The following AMOT variants were observed in gnomAD, a reference collection of about 807,000 sequenced individuals.
The protein encoded by AMOT is angiomotin.
In AMOT, 11 loss-of-function variants were observed where a neutral mutation model predicts 67.0. The observed-to-expected ratio is 0.16, with a 90% confidence interval of 0.10 to 0.27. The LOEUF is 0.27. AMOT is among the 10% of genes least tolerant of loss of function. The pLI, the probability that AMOT is intolerant of heterozygous loss-of-function variation, is 1.00. For synonymous variants in AMOT, 326 were observed against 321.4 expected (o/e 1.01, Z -0.15); for missense variants, 753 against 852.0 (o/e 0.88, Z 1.45).
chrX:112,788,495 C>T (rs1289699204), intron 10 of AMOT, among the ~76,000 whole-genome samples: 1 of 111,336 alleles, frequency 9.0e-6, no homozygotes, highest in East Asian at 2.8e-4. Context: ...TAAATGTTAC[C>T]TCTCAAATAT....
chrX:112,822,809 G>A lies in AMOT; in HGVS notation c.318C>T (p.Leu106=), dbSNP rs1026879962. ...GGACCTTGGCTTCTTCATAGGTCGG[G>A]AGTTCTTCATTATTTTGCATTCGAG... The part of the protein sequence containing the change: ...LSPRMQNNEE[L]PTYEEAKVQS... The change falls in exon 4 of 14, where the codon CTC becomes CTT. Residue 106 remains leucine, a synonymous_variant. Transcript: ENST00000371959. 1 of 1,167,383 alleles carries A rather than the reference G, an allele frequency of 8.6e-7. No homozygotes were observed. Among genetic ancestry groups the A allele is most frequent in the Admixed American group, 2.6e-5 (1 of 38,675 alleles).
chrX:112,804,906 C>CA, intron 8 of AMOT, 41 bp downstream of exon 8: 3 of 1,048,063 alleles, frequency 2.9e-6, no homozygotes, highest in Non-Finnish European at 2.6e-6. Flanking sequence ...TTTCCCAGCC[C>CA]TCCCACCCCC....
intron 2 of AMOT, among the ~76,000 whole-genome samples, chrX:112,826,600 A>G (rs1934847350): frequency 8.9e-6 from 1 of 112,143 alleles, no homozygotes; most frequent in Non-Finnish European, 1.9e-5. Context: ...ATGGTACATA[A>G]CCACCGTGCT....
chrX:112,830,763 A>G (rs1365082189), intron 2 of AMOT, among the ~76,000 whole-genome samples: 1 of 111,932 alleles, frequency 8.9e-6, no homozygotes, highest in Non-Finnish European at 1.9e-5. Context: ...CCCAGCCAAG[A>G]AGCTAATTAG....
intron 1 of AMOT, among the ~76,000 whole-genome samples, chrX:112,836,753 AT>A (rs1181867948): frequency 2.8e-4 from 30 of 108,665 alleles, no homozygotes; most frequent in African/African-American, 8.4e-4. Context: ...TGACTAGATG[AT>A]TGAATTTCTA....
At chrX:112,781,443 C>CAAAAA (rs35689399) in intron 11 of AMOT, among the ~76,000 whole-genome samples, 1 of 28,990 alleles carries the variant, frequency 3.4e-5, no homozygotes, top group Non-Finnish European at 6.8e-5. Context: ...GACTCCATCT[C>CAAAAA]AAAAAAAAAA....
Position 112,805,082 on chromosome X carries a change from GCTTT to G in AMOT, c.1637_1640del (p.Glu546AlafsTer33). On this transcript the variant is annotated frameshift_variant, in exon 8 of 14. Transcript: ENST00000371959. LOFTEE classifies it high-confidence loss of function. ...CTTCCAGCTTCTCCTTCTCACGCTG[GCTTT>G]CTTTATCTGTCAGGACATTAAACAT... 1.7e-6 allele frequency: 2 copies of G among 1,211,199 alleles called. No individual in the cohort carries two copies. Among genetic ancestry groups the G allele is most frequent in the Non-Finnish European group, 2.2e-6 (2 of 895,351 alleles).
intron 2 of AMOT, among the ~76,000 whole-genome samples, chrX:112,829,613 T>C (rs1176666663): frequency 8.9e-6 from 1 of 112,264 alleles, no homozygotes; most frequent in Non-Finnish European, 1.9e-5. Context: ...CCCTATTAGA[T>C]TAGGTTGAAA....
chrX:112,828,794 T>C (rs1934909639), intron 2 of AMOT, among the ~76,000 whole-genome samples: 1 of 112,163 alleles, frequency 8.9e-6, no homozygotes, highest in Non-Finnish European at 1.9e-5. Flanking sequence ...CATTATTTGC[T>C]TGTACAAAGG....
chrX:112,799,263 A>G (rs1424458731), intron 8 of AMOT, among the ~76,000 whole-genome samples: 7 of 112,339 alleles, frequency 6.2e-5, no homozygotes, highest in Admixed American at 4.7e-4. Flanking sequence ...ATATACTAAT[A>G]TATCTGTAAA....
chrX:112,786,725 C>T (rs972564308), intron 10 of AMOT, among the ~76,000 whole-genome samples: 8 of 112,189 alleles, frequency 7.1e-5, no homozygotes. Context: ...GCTAAGGAGA[C>T]AAAAATACAG....
Position 112,778,592 on chromosome X carries a change from G to C in AMOT, c.3230C>G (p.Ala1077Gly), listed in dbSNP as rs201867267. 5.0e-6 allele frequency: 6 copies of C among 1,206,158 alleles called. No homozygotes were observed. The East Asian group carries it at 1.5e-4, about 30-fold the overall frequency. The part of the protein sequence containing the change: ...PIQILGQEPD[A>G]EMVEYLI The stretch of plus-strand genomic sequence containing the variant: ...TTAGATGAGATATTCCACCATCTCT[G>C]CATCAGGCTCTTGTCCCAGGATCTG... Residue 1077 changes from alanine to glycine, a missense_variant, in exon 14 of 14, where the codon GCA becomes GGA. Transcript: ENST00000371959.
chrX:112,781,808 C>T (rs149092697), intron 11 of AMOT, among the ~76,000 whole-genome samples: 2,162 of 111,588 alleles, frequency 0.019, 57 homozygotes, highest in African/African-American at 0.066. Flanking sequence ...TATGAATGAG[C>T]GACAACCTGC....
rs147643762 is a variant in AMOT, at chrX:112,779,575, C to T, written c.2579G>A (p.Arg860Gln). 2.5e-5 allele frequency: 30 copies of T among 1,208,708 alleles called. No individual in the cohort carries two copies. The highest frequency in any genetic ancestry group is 3.1e-5 in the Non-Finnish European group (28 of 894,998). Residue 860 changes from arginine to glutamine, a missense_variant, in exon 13 of 14, where the codon CGA (arginine) becomes CAA (glutamine). Around this residue, in one of 5 missense-constraint regions of AMOT, gnomAD observed 269 missense variants for 300.9 expected, o/e 0.89. Transcript: ENST00000371959. Reference protein sequence around the residue: ...LLSAHSKTGSRDCSTQTERGT... With the variant: ...LLSAHSKTGSQDCSTQTERGT... ...ACGTTCAGTTTGGGTACTGCAGTCT[C>T]GGCTGCCTGTCTTGGAGTGAGCCGA... is the stretch of plus-strand genomic sequence containing the variant.
At chrX:112,804,898 T>TAGCCCC in intron 8 of AMOT, 49 bp downstream of exon 8, 1 of 837,586 alleles carries the variant, frequency 1.2e-6, no homozygotes, top group Non-Finnish European at 1.7e-6. Flanking sequence ...GTCCCCGATT[T>TAGCCCC]CCCAGCCCTC....
chrX:112,806,359 G>A (rs1934187286), intron 7 of AMOT, among the ~76,000 whole-genome samples: 2 of 83,406 alleles, frequency 2.4e-5, no homozygotes, highest in Admixed American at 1.5e-4. Context: ...TGTATAAAAC[G>A]TGTGTGTATA....
At chrX:112,816,144 G>A (rs1170912587) in intron 4 of AMOT, among the ~76,000 whole-genome samples, 2 of 111,694 alleles carry the variant, frequency 1.8e-5, no homozygotes, top group African/African-American at 6.5e-5. Flanking sequence ...AACTTCCATG[G>A]TCACTTTGTG....
Position 112,822,558 on chromosome X carries a change from G to A in AMOT, c.569C>T (p.Ala190Val), listed in dbSNP as rs1934743557. Residue 190 changes from alanine (A) to valine (V), a missense_variant, in exon 4 of 14, where the codon GCC becomes GTC. Ala to Val is a moderately conservative substitution (Grantham distance 64). Coordinates refer to ENST00000371959, the MANE Select transcript of AMOT (RefSeq NM_001113490.2). Reference protein sequence around the residue: ...QMSLATSGVKAHPPVTSAPLS... With the variant: ...QMSLATSGVKVHPPVTSAPLS... Reference sequence around the variant, plus strand: ...GGGAGCACTGGTAACAGGTGGATGGGCCTTAACTCCACTGGTGGCCAGTGA... The same window carrying A: ...GGGAGCACTGGTAACAGGTGGATGGACCTTAACTCCACTGGTGGCCAGTGA... 1 of 1,165,715 alleles carries A rather than the reference G, an allele frequency of 8.6e-7. No homozygotes were observed. The highest frequency in any genetic ancestry group is 1.1e-6 in the Non-Finnish European group (1 of 872,658).
chrX:112,795,238 GTC>G (rs1200497149), intron 8 of AMOT, among the ~76,000 whole-genome samples: 12 of 93,789 alleles, frequency 1.3e-4, no homozygotes, highest in South Asian at 4.9e-4. Context: ...CTCTTTCTCT[GTC>G]TCTCTCTCTG....
Sources: gnomAD v4.1 joint callset for allele counts (sites outside exome capture counted in the v4.1 genomes callset) on GRCh38, gnomAD v4.1.1 for gene constraint, gnomAD v4.1.1 regional missense constraint, MANE v1.5 for transcripts, NCBI Gene and HGNC (gene_info 2026-07-23, HGNC 2026-07-21) for gene names.